Variants in CDC42SE2 observed in about 807,000 individuals in gnomAD.
CDC42SE2 encodes the protein CDC42 small effector protein 2.
Under a neutral mutation model 11.5 loss-of-function variants are expected in CDC42SE2, and 3 were observed. The observed-to-expected ratio is 0.26, with a 90% CI of 0.12 to 0.67. The LOEUF is 0.67. Ranked by LOEUF, CDC42SE2 falls within the 30% of genes least tolerant of loss-of-function variation. The pLI is 0.80. For missense variants in CDC42SE2, 82 were observed against 106.8 expected (o/e 0.77, Z 1.02); for synonymous variants, 33 against 34.8 (o/e 0.95, Z 0.18).
intron 3 of CDC42SE2, among the ~76,000 whole-genome samples, chr5:131,360,640 C>T (rs182718043): frequency 2.1e-4 from 32 of 152,274 alleles, no homozygotes; most frequent in Middle Eastern, 3.4e-3. Flanking sequence ...TTGGTATCTT[C>T]AGGATCAAAT....
intron 1 of CDC42SE2, among the ~76,000 whole-genome samples, chr5:131,291,022 T>A (rs1284711959): frequency 6.6e-6 from 1 of 152,028 alleles, no homozygotes; most frequent in Non-Finnish European, 1.5e-5. Flanking sequence ...AACTCTTGGG[T>A]ATGGGGAGGG....
chr5:131,289,439 G>A (rs143794605), intron 1 of CDC42SE2, among the ~76,000 whole-genome samples: 36 of 152,306 alleles, frequency 2.4e-4, no homozygotes, highest in African/African-American at 7.7e-4. Context: ...TTGGGAGGCC[G>A]AGGCGGGTGA....
At chr5:131,273,300 C>CAT (rs1757032032) in intron 1 of CDC42SE2, among the ~76,000 whole-genome samples, 1 of 149,240 alleles carries the variant, frequency 6.7e-6, no homozygotes, top group South Asian at 2.1e-4. Flanking sequence ...GGACTACAGG[C>CAT]GCCCATCACC....
chr5:131,301,147 T>C (rs917840278), intron 1 of CDC42SE2, among the ~76,000 whole-genome samples: 5 of 152,172 alleles, frequency 3.3e-5, no homozygotes, highest in African/African-American at 1.2e-4. Flanking sequence ...GCTGTGGGTG[T>C]GTATATGTGT....
intron 1 of CDC42SE2, among the ~76,000 whole-genome samples, chr5:131,271,448 T>C (rs142058303): frequency 2.0e-4 from 30 of 152,230 alleles, no homozygotes; most frequent in African/African-American, 7.2e-4. Flanking sequence ...ATACATGGCA[T>C]TTATATTTTA....
At chr5:131,306,511 T>C (rs562631303) in intron 1 of CDC42SE2, among the ~76,000 whole-genome samples, 1 of 152,308 alleles carries the variant, frequency 6.6e-6, no homozygotes, top group South Asian at 2.1e-4. Flanking sequence ...GTAGTAGATT[T>C]TGAAGCTAGG....
intron 2 of CDC42SE2, among the ~76,000 whole-genome samples, chr5:131,355,231 G>T (rs1294668455): frequency 6.6e-6 from 1 of 152,130 alleles, no homozygotes; most frequent in African/African-American, 2.4e-5. Flanking sequence ...TTTCAGACCT[G>T]TGAAATGGCA....
At chr5:131,314,531 G>A (rs1053712718) in intron 1 of CDC42SE2, among the ~76,000 whole-genome samples, 7 of 152,082 alleles carry the variant, frequency 4.6e-5, no homozygotes, top group South Asian at 2.1e-4. Context: ...ATGAGCCACC[G>A]TGCCTGGCTT....
intron 1 of CDC42SE2, among the ~76,000 whole-genome samples, chr5:131,306,296 AG>A (rs1757776091): frequency 6.6e-6 from 1 of 152,120 alleles, no homozygotes; most frequent in South Asian, 2.1e-4. Context: ...TCCTATCTGC[AG>A]GGGGTCTTGG....
upstream of CDC42SE2, among the ~76,000 whole-genome samples, chr5:131,261,832 C>T (rs1440481940): frequency 6.8e-6 from 1 of 148,080 alleles, no homozygotes; most frequent in Non-Finnish European, 1.5e-5. Context: ...GCACTCCAGC[C>T]TGGGTGACAA....
intron 1 of CDC42SE2, among the ~76,000 whole-genome samples, chr5:131,249,578 A>G (rs927884305): frequency 1.3e-5 from 2 of 152,238 alleles, no homozygotes; most frequent in African/African-American, 4.8e-5. Context: ...ACCTGGCACT[A>G]TATACAAAAT....
At chr5:131,242,815 T>C (rs1045641229), upstream of CDC42SE2, among the ~76,000 whole-genome samples, 8 of 152,108 alleles carry the variant, frequency 5.3e-5, no homozygotes, top group African/African-American at 7.2e-5. Flanking sequence ...TTTTCTAGGG[T>C]AAGTAATGGT....
intron 1 of CDC42SE2, among the ~76,000 whole-genome samples, chr5:131,271,100 A>G (rs776714924): frequency 3.3e-5 from 5 of 152,176 alleles, no homozygotes; most frequent in Non-Finnish European, 5.9e-5. Flanking sequence ...CTCCAGCTAT[A>G]ATTCCTGTGA....
chr5:131,221,281 CATT>C, the CDC42SE2 span, among the ~76,000 whole-genome samples: 1 of 151,426 alleles, frequency 6.6e-6, no homozygotes, highest in Non-Finnish European at 1.5e-5. Flanking sequence ...TTTCATAAAA[CATT>C]ATGAGATTTT....
At chr5:131,339,399 ATTGAC>A (rs1161740575) in intron 2 of CDC42SE2, among the ~76,000 whole-genome samples, 1 of 152,138 alleles carries the variant, frequency 6.6e-6, no homozygotes, top group Non-Finnish European at 1.5e-5. Context: ...AAGATTATGA[ATTGAC>A]TTAACAGAAT....
chr5:131,321,557 G>A (rs902417851), intron 2 of CDC42SE2, among the ~76,000 whole-genome samples: 2 of 152,150 alleles, frequency 1.3e-5, no homozygotes, highest in African/African-American at 4.8e-5. Context: ...TGCCCGTGAT[G>A]TATAATGCTA....
intron 2 of CDC42SE2, among the ~76,000 whole-genome samples, chr5:131,330,786 G>A (rs1758404118): frequency 6.7e-6 from 1 of 148,970 alleles, no homozygotes; most frequent in African/African-American, 2.5e-5. Context: ...GGAAGCCAAA[G>A]CAAGAGGAGC....
rs1418141184 is a variant in CDC42SE2 at position 131,297,610 on chromosome 5, C to G, written c.-454-18366C>G. Among the ~76,000 whole-genome samples the G allele has an allele frequency of 2.6e-5, 4 of 152,132 alleles. No individual in the cohort carries two copies. The East Asian group carries it at 7.7e-4, about 29-fold the overall frequency. ...TGGCGGGTGCCTGTAGTCCCAGCTA[C>G]TTGGGAGGCTGAGGCAGGAGAATGG... On this transcript the variant is annotated intron_variant, in intron 1 of 4. Coordinates refer to ENST00000505065, the MANE Select transcript of CDC42SE2 (RefSeq NM_001375635.1).
intron 1 of CDC42SE2, among the ~76,000 whole-genome samples, chr5:131,307,119 GGTTA>G (rs1757795364): frequency 6.6e-6 from 1 of 151,396 alleles, no homozygotes; most frequent in African/African-American, 2.4e-5. Flanking sequence ...ACATTGTGCA[GGTTA>G]GTTACATATG....
Sources: allele counts gnomAD v4.1 joint callset (sites outside exome capture counted in the v4.1 genomes callset), GRCh38; gene constraint gnomAD v4.1.1; transcripts MANE v1.5; gene names NCBI Gene and HGNC (gene_info 2026-07-23, HGNC 2026-07-21).